Variants in CSMD2 observed in about 807,000 individuals in gnomAD.
CSMD2 encodes CUB and sushi domain-containing protein 2.
A neutral mutation model predicts 398.5 loss-of-function variants in CSMD2; 130 were observed. The ratio of observed to expected loss-of-function variants is 0.33; its 90% CI spans 0.28 to 0.38. The LOEUF (loss-of-function observed/expected upper bound fraction) is 0.38, where lower values mean the gene tolerates loss of function less well. Ranked by LOEUF, CSMD2 falls within the 10% of genes least tolerant of loss-of-function variation. The pLI is 1.00. For missense variants in CSMD2, 3,829 were observed against 4,764.9 expected, an observed-to-expected ratio of 0.80 and a Z score of 5.78; for synonymous variants, 1,828 against 1,908.5, an observed-to-expected ratio of 0.96 and a Z score of 1.10.
At chr1:33,982,403 T>C (rs1056854770) in intron 3 of CSMD2, among the ~76,000 whole-genome samples, 4 of 152,164 alleles carry the variant, frequency 2.6e-5, no homozygotes, top group Admixed American at 6.5e-5. Context: ...ACCCTCTACC[T>C]TCTAGTAGTT....
At position 33,823,138 on chromosome 1, in the gene CSMD2, CCT is replaced by C. The variant is rs376382266; in HGVS notation, c.1111+2557_1111+2558del. Among the ~76,000 whole-genome samples, 1,339 of 152,296 alleles carry C rather than the reference CCT, an allele frequency of 8.8e-3. 11 individuals are homozygous for C. Among genetic ancestry groups the C allele is most frequent in the Middle Eastern group, 0.024 (7 of 294 alleles). ...AAGCCCACCCGCCAAGCCACAAGCC[CCT>C]GACAGACAGAGCAGACCCTACCGCC... On this transcript the variant is annotated intron_variant, in intron 7 of 70. Transcript: ENST00000373381.
At chr1:34,129,508 C>T (rs924174397) in intron 1 of CSMD2, among the ~76,000 whole-genome samples, 1 of 151,994 alleles carries the variant, frequency 6.6e-6, no homozygotes, top group Admixed American at 6.6e-5. Context: ...AAAAATTAGC[C>T]GGGCATGGTG....
At chr1:33,983,745 G>A (rs1646251585) in intron 3 of CSMD2, among the ~76,000 whole-genome samples, 1 of 152,132 alleles carries the variant, frequency 6.6e-6, no homozygotes. Context: ...TTTTGAGGAA[G>A]CTTGTTTCTG....
At chr1:33,661,933 CT>C (rs1303904972) in intron 26 of CSMD2, among the ~76,000 whole-genome samples, 8 of 152,262 alleles carry the variant, frequency 5.3e-5, no homozygotes, top group African/African-American at 1.9e-4. Flanking sequence ...AACTCCCCCC[CT>C]CCCTCCCACC....
At chr1:34,135,469 A>G (rs570210718) in intron 1 of CSMD2, among the ~76,000 whole-genome samples, 1 of 152,026 alleles carries the variant, frequency 6.6e-6, no homozygotes, top group African/African-American at 2.4e-5. Context: ...AAATACAAAA[A>G]CTAGCTGGTG....
In CSMD2 at chr1:33,636,114, G is replaced by A. The variant is rs1481464734; in HGVS notation, c.4969+246C>T. 6.6e-6 allele frequency among the ~76,000 whole-genome samples: 1 copy of A among 152,106 alleles called. No individual in the cohort carries two copies. Among genetic ancestry groups the A allele is most frequent in the Admixed American group, 6.5e-5 (1 of 15,268 alleles). On this transcript the variant is annotated intron_variant, in intron 30 of 70. Coordinates refer to ENST00000373381, the MANE Select transcript of CSMD2 (RefSeq NM_001281956.2). The surrounding 1 kb of genome is among the most constrained non-coding windows in gnomAD (Gnocchi z 4.8). Reference sequence around the variant, plus strand: ...GGCATGTCTGGGGGCCTCTGTTGAGGGCATGAGCATCTATGTGAATGGGGG... The same window carrying A: ...GGCATGTCTGGGGGCCTCTGTTGAGAGCATGAGCATCTATGTGAATGGGGG...
chr1:34,038,192 T>A (rs908650170), intron 2 of CSMD2, among the ~76,000 whole-genome samples: 3 of 152,182 alleles, frequency 2.0e-5, no homozygotes, highest in Non-Finnish European at 2.9e-5. Context: ...CATGACAGAA[T>A]GAGCAAATAA....
intron 65 of CSMD2, among the ~76,000 whole-genome samples, chr1:33,526,795 G>A (rs1057376750): frequency 1.3e-5 from 2 of 152,210 alleles, no homozygotes; most frequent in Non-Finnish European, 2.9e-5. Flanking sequence ...TGCAGTCTGT[G>A]TCCAGTTCTG....
rs572507223 is a variant in CSMD2 at position 33,709,227 on chromosome 1, C to G, written c.3438G>C (p.Gln1146His). ...AECGNSVTGT[Q>H]GTLLSPNFPV... Reference sequence around the variant, plus strand: ...GAAAGTTGGGGGACAGCAAAGTACCCTGAGTGCCTGTGACTGAATTCCCAC... The same window carrying G: ...GAAAGTTGGGGGACAGCAAAGTACCGTGAGTGCCTGTGACTGAATTCCCAC... Residue 1146 changes from glutamine (Q) to histidine (H), a missense_variant, in exon 22 of 71, where the codon CAG (glutamine) becomes CAC (histidine). Around this residue, in one of 5 missense-constraint regions of CSMD2, gnomAD observed 2,001 missense variants for 2,567.1 expected, o/e 0.78. Transcript: ENST00000373381. The G allele has an allele frequency of 6.2e-7, 1 of 1,613,776 alleles. No individual in the cohort carries two copies. Among genetic ancestry groups the G allele is most frequent in the Non-Finnish European group, 8.5e-7 (1 of 1,179,938 alleles).
intron 2 of CSMD2, among the ~76,000 whole-genome samples, chr1:34,046,166 G>C (rs896947757): frequency 2.0e-5 from 3 of 152,212 alleles, no homozygotes; most frequent in Non-Finnish European, 2.9e-5. Context: ...GGGAATTAGG[G>C]ACCATGTGTG....
chr1:33,923,142 T>C (rs1644006930), intron 4 of CSMD2, among the ~76,000 whole-genome samples: 2 of 152,170 alleles, frequency 1.3e-5, no homozygotes, highest in African/African-American at 4.8e-5. Context: ...GTGTTATTTT[T>C]TGACATGCAT....
intron 26 of CSMD2, among the ~76,000 whole-genome samples, chr1:33,659,308 G>T (rs1484031874): frequency 1.3e-5 from 2 of 152,168 alleles, no homozygotes; most frequent in Admixed American, 1.3e-4. Flanking sequence ...GGGTGCAAGA[G>T]TTAGTCCAGA....
At chr1:34,065,072 T>C (rs966589726) in intron 2 of CSMD2, among the ~76,000 whole-genome samples, 8 of 152,086 alleles carry the variant, frequency 5.3e-5, no homozygotes, top group Non-Finnish European at 8.8e-5. Context: ...AAGATGAAAT[T>C]TGGGTGGAGA....
Position 33,709,997 on chromosome 1 carries a change from T to C in CSMD2, c.3407-739A>G, listed in dbSNP as rs75149893. Among the ~76,000 whole-genome samples the C allele has an allele frequency of 5.3e-3, 803 of 152,344 alleles. 10 individuals carry two copies. The highest frequency in any genetic ancestry group is 0.019 in the African/African-American group (772 of 41,578). ...TGAAATCACACCCTCCTCTGGAAAC[T>C]GCTTCTCCTCCTCCAGAATTAGTCA... On this transcript the variant is annotated intron_variant, in intron 21 of 70. Coordinates refer to ENST00000373381, the MANE Select transcript of CSMD2 (RefSeq NM_001281956.2).
In CSMD2 at chr1:33,544,602, T is replaced by C. The variant is rs371223417; in HGVS notation, c.9100+1435A>G. Among the ~76,000 whole-genome samples, 25 of 151,812 alleles carry C rather than the reference T, an allele frequency of 1.6e-4. No individual in the cohort carries two copies. The East Asian group carries it at 1.9e-3, about 12-fold the overall frequency. On this transcript the variant is annotated intron_variant, in intron 57 of 70. Transcript: ENST00000373381. ...TGAAAATAACTTCTTAAATTGAAAA[T>C]ACATGGGGATCACGTGGAGGTAGAG...
intron 5 of CSMD2, among the ~76,000 whole-genome samples, chr1:33,853,185 A>G (rs1638838761): frequency 6.6e-6 from 1 of 152,182 alleles, no homozygotes; most frequent in African/African-American, 2.4e-5. Flanking sequence ...TGTTCTCCAC[A>G]TTGTCTGTCT....
intron 32 of CSMD2, among the ~76,000 whole-genome samples, chr1:33,627,469 C>T (rs1347374023): frequency 2.6e-5 from 4 of 152,116 alleles, no homozygotes; most frequent in Admixed American, 1.3e-4. Context: ...CCCTGAGAAG[C>T]GCTGCTGACC....
rs149034666 is a variant in CSMD2, at chr1:34,164,731, C to G, written c.187+180G>C. Among the ~76,000 whole-genome samples, 460 of 149,252 alleles carry G rather than the reference C, an allele frequency of 3.1e-3. 1 individual carries two copies. The highest frequency in any genetic ancestry group is 0.01 in the African/African-American group (424 of 40,628). On this transcript the variant is annotated intron_variant, in intron 1 of 70. Transcript: ENST00000373381. The surrounding 1 kb of genome is among the most constrained non-coding windows in gnomAD (Gnocchi z 6.2). ...GGTGAGGGTGGAGGTGAGGACGTGGCTGAGGGTGGGGTGGGAGACGGAGGC... is the reference window on the plus strand; with the variant it reads ...GGTGAGGGTGGAGGTGAGGACGTGGGTGAGGGTGGGGTGGGAGACGGAGGC...
chr1:34,103,563 G>T (rs1174194316), intron 1 of CSMD2, among the ~76,000 whole-genome samples: 1 of 152,066 alleles, frequency 6.6e-6, no homozygotes, highest in East Asian at 1.9e-4. Flanking sequence ...CCAAAGTGCT[G>T]GGATTACAGG....
Sources: allele counts gnomAD v4.1 joint callset (sites outside exome capture counted in the v4.1 genomes callset), GRCh38; gene constraint gnomAD v4.1.1; regional missense constraint gnomAD v4.1.1; non-coding constraint Gnocchi (gnomAD v3.1); transcripts MANE v1.5; gene names NCBI Gene and HGNC (gene_info 2026-07-23, HGNC 2026-07-21).